Variants in LRP1B observed in about 807,000 individuals in gnomAD.
LRP1B encodes the protein LDL receptor related protein 1B.
LRP1B carries 217 observed loss-of-function variants against 556.6 expected under a neutral mutation model. The ratio of observed to expected loss-of-function variants is 0.39; its 90% CI spans 0.35 to 0.44. LRP1B has a LOEUF of 0.44. Among genes scored for constraint, LRP1B ranks in the 20% least tolerant of loss-of-function variants. The pLI, the probability that LRP1B is intolerant of heterozygous loss-of-function variation, is 1.00. For synonymous variants in LRP1B, 2,047 were observed against 1,865.8 expected (o/e 1.10, Z -2.50); for missense variants, 5,053 against 5,620.8 (o/e 0.90, Z 3.23).
intron 71 of LRP1B, among the ~76,000 whole-genome samples, chr2:140,369,503 T>A (rs1396295719): frequency 6.6e-6 from 1 of 151,904 alleles, no homozygotes; most frequent in Admixed American, 6.6e-5. Context: ...GAGTGACCAA[T>A]TACAGAAAGT....
chr2:140,827,804 C>A (rs536935515), intron 31 of LRP1B, among the ~76,000 whole-genome samples: 3 of 152,026 alleles, frequency 2.0e-5, no homozygotes, highest in East Asian at 3.9e-4. Context: ...ATAAGACTAT[C>A]CCAAAGCATA....
At chr2:141,519,128 A>G (rs1574038825) in intron 2 of LRP1B, among the ~76,000 whole-genome samples, 1 of 152,054 alleles carries the variant, frequency 6.6e-6, no homozygotes, top group East Asian at 1.9e-4. Context: ...AGAGAAAACC[A>G]AAGAGGAAAC....
rs376095874 is a variant in LRP1B, at chr2:141,661,678, A to G, written c.205+148601T>C. ...CAAAACCTGCAAGAACTATGGAGTT[A>G]TGTAAAAAGACAGAGCCTACAGTTG... On this transcript the variant is annotated intron_variant, in intron 2 of 90. Coordinates refer to ENST00000389484, the MANE Select transcript of LRP1B (RefSeq NM_018557.3). Among the ~76,000 whole-genome samples, 128 of 152,340 alleles carry G rather than the reference A, an allele frequency of 8.4e-4. 3 individuals carry two copies. In the South Asian group the frequency reaches 0.011, roughly 13 times the overall value.
At chr2:141,777,680 G>T (rs1695122550) in intron 2 of LRP1B, among the ~76,000 whole-genome samples, 2 of 152,032 alleles carry the variant, frequency 1.3e-5, no homozygotes, top group African/African-American at 4.8e-5. Context: ...CTCCCAAATT[G>T]CTGGGATTAC....
chr2:141,113,415 C>T (rs1052064815), intron 7 of LRP1B, among the ~76,000 whole-genome samples: 1 of 152,110 alleles, frequency 6.6e-6, no homozygotes, highest in Non-Finnish European at 1.5e-5. Flanking sequence ...AAGTATTTAG[C>T]CAACACAATG....
chr2:140,778,491 A>G (rs1413953632), intron 32 of LRP1B, among the ~76,000 whole-genome samples: 2 of 151,958 alleles, frequency 1.3e-5, no homozygotes, highest in African/African-American at 4.8e-5. Flanking sequence ...TCATGAATGC[A>G]TTTTTTTTAT....
intron 2 of LRP1B, among the ~76,000 whole-genome samples, chr2:141,804,452 C>T (rs1361883034): frequency 6.6e-6 from 1 of 151,908 alleles, no homozygotes; most frequent in Non-Finnish European, 1.5e-5. Context: ...AAGTCACCTG[C>T]CCCCAAATAA....
chr2:141,499,986 A>T (rs1042443461), intron 2 of LRP1B, among the ~76,000 whole-genome samples: 3 of 152,072 alleles, frequency 2.0e-5, no homozygotes, highest in African/African-American at 7.2e-5. Flanking sequence ...AGCTAAAGGC[A>T]ATTAAGGAAC....
intron 41 of LRP1B, among the ~76,000 whole-genome samples, chr2:140,677,281 TAAAGAGTGA>T (rs1055506795): frequency 8.5e-5 from 13 of 152,222 alleles, no homozygotes; most frequent in African/African-American, 2.9e-4. Context: ...GGCAATGATT[TAAAGAGTGA>T]AAAGAGTCAG....
intron 86 of LRP1B, among the ~76,000 whole-genome samples, chr2:140,253,910 A>G (rs1681562619): frequency 6.6e-6 from 1 of 152,160 alleles, no homozygotes; most frequent in South Asian, 2.1e-4. Context: ...CTGCAATACT[A>G]GTGGAAAGCT....
chr2:140,489,791 A>T (rs977511933), intron 57 of LRP1B, among the ~76,000 whole-genome samples: 1 of 152,110 alleles, frequency 6.6e-6, no homozygotes. Context: ...TAACTTGAGC[A>T]AAGATTTACC....
At chr2:140,731,629 G>T (rs867691814) in intron 35 of LRP1B, among the ~76,000 whole-genome samples, 3 of 151,774 alleles carry the variant, frequency 2.0e-5, no homozygotes, top group Non-Finnish European at 4.4e-5. Context: ...TTAACTGGGC[G>T]TGGTGGCCCG....
chr2:140,500,023 T>A (rs1402884948), intron 55 of LRP1B, among the ~76,000 whole-genome samples: 1 of 151,962 alleles, frequency 6.6e-6, no homozygotes, highest in Non-Finnish European at 1.5e-5. Context: ...CACTGGTTTT[T>A]AAAATATTTA....
intron 14 of LRP1B, among the ~76,000 whole-genome samples, chr2:141,010,951 GGTGTGTGTGTGTGT>G (rs71995663): frequency 7.6e-5 from 11 of 144,626 alleles, no homozygotes; most frequent in Non-Finnish European, 1.5e-4. Context: ...CTTGTCAGAT[GGTGTGTGTGTGTGT>G]GTGTGTGTGT....
chr2:141,489,733 T>C (rs1683262052), intron 2 of LRP1B, among the ~76,000 whole-genome samples: 2 of 152,104 alleles, frequency 1.3e-5, no homozygotes, highest in Non-Finnish European at 2.9e-5. Context: ...TGTAAGTGCA[T>C]TAAATAAAAC....
chr2:140,931,620 A>G (rs189227196), intron 20 of LRP1B, among the ~76,000 whole-genome samples: 3 of 152,326 alleles, frequency 2.0e-5, no homozygotes, highest in Admixed American at 2.0e-4. Context: ...CAAAACAGAC[A>G]TTCAAAGAGT....
intron 35 of LRP1B, among the ~76,000 whole-genome samples, chr2:140,718,219 T>G (rs1263959980): frequency 6.6e-6 from 1 of 152,084 alleles, no homozygotes; most frequent in Admixed American, 6.6e-5. Flanking sequence ...TGAAGTCTTC[T>G]GCCTGACAAC....
chr2:140,861,398 T>A (rs1692794441), intron 27 of LRP1B, among the ~76,000 whole-genome samples: 1 of 152,082 alleles, frequency 6.6e-6, no homozygotes, highest in South Asian at 2.1e-4. Flanking sequence ...CAGAGTGAGA[T>A]TCCATCTCAA....
At chr2:140,696,769 T>C (rs1205343759) in intron 41 of LRP1B, among the ~76,000 whole-genome samples, 4 of 152,174 alleles carry the variant, frequency 2.6e-5, no homozygotes, top group Non-Finnish European at 1.5e-5. Flanking sequence ...TATTACCTGA[T>C]GATCTGAGGT....
Sources: allele counts gnomAD v4.1 joint callset (sites outside exome capture counted in the v4.1 genomes callset), GRCh38; gene constraint gnomAD v4.1.1; transcripts MANE v1.5; gene names NCBI Gene and HGNC (gene_info 2026-07-23, HGNC 2026-07-21).